The following MEAK7 variants were observed in gnomAD, a reference collection of about 807,000 sequenced individuals.
MEAK7 encodes MTOR-associated protein MEAK7.
A neutral mutation model predicts 40.5 loss-of-function variants in MEAK7; 68 were observed. The observed-to-expected ratio is 1.68, with a 90% CI of 1.38 to 2.06. MEAK7 has a LOEUF of 2.06. Among genes scored for constraint, MEAK7 ranks in the 30% most tolerant of loss-of-function variants. The probability of loss-of-function intolerance (pLI) is 0.00; values close to 1 mark genes in which losing one functional copy is unlikely to be tolerated. For synonymous variants in MEAK7, 338 were observed against 231.9 expected, an observed-to-expected ratio of 1.46 and a Z score of -4.16; for missense variants, 918 against 580.5, an observed-to-expected ratio of 1.58 and a Z score of -5.98.
rs117478159 is a variant in MEAK7, at chr16:84,478,559, C to A, written c.*1354G>T. 6.6e-6 allele frequency: 1 copy of A among 152,358 alleles called. No homozygotes were observed. Among genetic ancestry groups the A allele is most frequent in the Non-Finnish European group, 1.5e-5 (1 of 68,042 alleles). 9.4% of individuals were successfully genotyped at this position (152,358 alleles called of 1,614,324 possible). On this transcript the variant is annotated 3_prime_UTR_variant, in exon 8 of 8. Coordinates refer to ENST00000343629, the MANE Select transcript of MEAK7 (RefSeq NM_020947.4). ...AAAGACAAAAGGAAGAGGTATATAT[C>A]TTAGAGACAAGCTCACAGCACCTTT...
Position 84,479,886 on chromosome 16 carries a change from T to C in MEAK7, c.*27A>G, listed in dbSNP as rs771083918. On this transcript the variant is annotated 3_prime_UTR_variant, in exon 8 of 8. Transcript: ENST00000343629. Reference sequence around the variant, plus strand: ...CCTCTACCCAGAGGAATCCAGGTCCTGGCTCCAGGAAGGCTCAGGCGGCTC... The same window carrying C: ...CCTCTACCCAGAGGAATCCAGGTCCCGGCTCCAGGAAGGCTCAGGCGGCTC... 7.7e-6 allele frequency: 12 copies of C among 1,560,896 alleles called. No individual in the cohort carries two copies. The highest frequency in any genetic ancestry group is 6.8e-5 in the African/African-American group (5 of 73,452).
At chr16:84,501,256 G>A (rs965140510) in intron 1 of MEAK7, among the ~76,000 whole-genome samples, 11 of 152,124 alleles carry the variant, frequency 7.2e-5, no homozygotes, top group Non-Finnish European at 8.8e-5. Flanking sequence ...GATTCACCAG[G>A]AAGTGGGAAC....
Position 84,486,920 on chromosome 16 carries a change from C to A in MEAK7, c.669G>T (p.Ser223=). The change falls in exon 5 of 8, where the codon TCG becomes TCT. Residue 223 remains serine, a synonymous_variant. Coordinates refer to ENST00000343629, the MANE Select transcript of MEAK7 (RefSeq NM_020947.4). ...GGACCAGGGTAGTCAGATCAAGAGA[C>A]GAGCACAGGATGAGAAAGCCCTTGC... ...VICKGFLILC[S]SLDLTTLVPE... 3 of 1,614,174 alleles carry A rather than the reference C, an allele frequency of 1.9e-6. No individual in the cohort carries two copies. The highest frequency in any genetic ancestry group is 2.5e-6 in the Non-Finnish European group (3 of 1,180,030).
chr16:84,492,354 G>A (rs1429202693), intron 3 of MEAK7, among the ~76,000 whole-genome samples: 13 of 152,052 alleles, frequency 8.5e-5, no homozygotes, highest in Admixed American at 8.5e-4. Flanking sequence ...TGGTCAAGAT[G>A]ATTAAAATTT....
intron 3 of MEAK7, chr16:84,494,650 T>C (rs1403267631): frequency 2.4e-5 from 8 of 339,544 alleles, no homozygotes; most frequent in Non-Finnish European, 4.6e-5. Context: ...TTTTGTTTGT[T>C]GTTTTTCTCT....
intron 5 of MEAK7, among the ~76,000 whole-genome samples, chr16:84,485,101 G>A (rs1912917686): frequency 6.6e-6 from 1 of 152,156 alleles, no homozygotes; most frequent in African/African-American, 2.4e-5. Context: ...GCCCGAGGCT[G>A]GGCTGGTGGG....
Position 84,504,630 on chromosome 16 carries a change from C to A in MEAK7, c.-55G>T, listed in dbSNP as rs188743275. On this transcript the variant is annotated 5_prime_UTR_variant, in exon 1 of 8. Coordinates refer to ENST00000343629, the MANE Select transcript of MEAK7 (RefSeq NM_020947.4). Reference sequence around the variant, plus strand: ...CCGGGCTTCCTGGTGCTGTCCGGTCCGGTCCAGCAGCCCACGGGCTCCTCT... The same window carrying A: ...CCGGGCTTCCTGGTGCTGTCCGGTCAGGTCCAGCAGCCCACGGGCTCCTCT... The A allele has an allele frequency of 1.0e-6, 1 of 985,666 alleles. No individual in the cohort carries two copies. The allele number at this position is 985,666 out of a possible 1,614,324, so 61.1% of individuals were successfully genotyped here.
At chr16:84,480,729 G>C in intron 6 of MEAK7, 21 bp from the exon 7 acceptor site, 1 of 1,598,302 alleles carries the variant, frequency 6.3e-7, no homozygotes, top group Non-Finnish European at 8.5e-7. Context: ...AGCCAGGACA[G>C]AGAATAGCAT....
chr16:84,497,418 C>G lies in MEAK7; in HGVS notation c.153+516G>C, dbSNP rs772624928. 699 of 1,286,518 alleles carry G rather than the reference C, an allele frequency of 5.4e-4. 1 individual carries two copies. The highest frequency in any genetic ancestry group is 2.1e-3 in the Middle Eastern group (10 of 4,674). 79.7% of individuals were successfully genotyped at this position (1,286,518 alleles called of 1,614,324 possible). The stretch of plus-strand genomic sequence containing the variant: ...GAAATTCCTAGCCATCAAACACATA[C>G]ACATTCTAGAGGCAACGGTGCACCT... On this transcript the variant is annotated intron_variant, in intron 2 of 7. Coordinates refer to ENST00000343629, the MANE Select transcript of MEAK7 (RefSeq NM_020947.4).
intron 3 of MEAK7, among the ~76,000 whole-genome samples, chr16:84,495,099 T>C (rs942107309): frequency 1.3e-5 from 2 of 151,976 alleles, no homozygotes; most frequent in African/African-American, 4.8e-5. Flanking sequence ...TGAAACCCCG[T>C]TTCTACTAAA....
Position 84,479,401 on chromosome 16 carries a change from CGG to C in MEAK7, c.*510_*511del, listed in dbSNP as rs1912299043. 2.0e-5 allele frequency: 3 copies of C among 148,294 alleles called. No homozygotes were observed. Among genetic ancestry groups the C allele is most frequent in the African/African-American group, 7.5e-5 (3 of 39,892 alleles). The allele number at this position is 148,294 out of a possible 1,614,324, so 9.2% of individuals were successfully genotyped here. A position where few individuals can be genotyped will look rare whatever the true frequency, so the allele number is the denominator to read the frequency against. On this transcript the variant is annotated 3_prime_UTR_variant, in exon 8 of 8. Transcript: ENST00000343629. ...GAGATCCCAGCAATGCTAATGCCAGCGGAATTCCCTAATGCCAGCGGAATTCC... is the reference window on the plus strand; with the variant it reads ...GAGATCCCAGCAATGCTAATGCCAGCAATTCCCTAATGCCAGCGGAATTCC...
intron 3 of MEAK7, among the ~76,000 whole-genome samples, chr16:84,491,237 C>A (rs1333145382): frequency 6.6e-6 from 1 of 151,652 alleles, no homozygotes; most frequent in East Asian, 2.0e-4. Flanking sequence ...GTCAGGAGTT[C>A]GAGACCAGTC....
Position 84,495,066 on chromosome 16 carries a change from G to T in MEAK7, c.384+617C>A, listed in dbSNP as rs374345560. ...GGCGGACCACCTAAGCTCAGGAGTT[G>T]GAGACCAGCCTGGCCAACGTGGTGA... On this transcript the variant is annotated intron_variant, in intron 3 of 7. Transcript: ENST00000343629. Among the ~76,000 whole-genome samples, 54 of 152,242 alleles carry T rather than the reference G, an allele frequency of 3.5e-4. 4 individuals are homozygous for T. The South Asian group carries it at 5.0e-3, about 14-fold the overall frequency.
At chr16:84,503,711 G>C (rs1309331727) in intron 1 of MEAK7, among the ~76,000 whole-genome samples, 2 of 152,172 alleles carry the variant, frequency 1.3e-5, no homozygotes, top group East Asian at 1.9e-4. Flanking sequence ...TAGAACAAGA[G>C]AAACTGCCCT....
chr16:84,486,728 A>C lies in MEAK7; in HGVS notation c.861T>G (p.Thr287=). The C allele has an allele frequency of 6.2e-7, 1 of 1,614,006 alleles. No individual in the cohort carries two copies. The highest frequency in any genetic ancestry group is 8.5e-7 in the Non-Finnish European group (1 of 1,179,882). Residue 287 remains threonine (T), a synonymous_variant, in exon 5 of 8, where the codon ACT becomes ACG. Coordinates refer to ENST00000343629, the MANE Select transcript of MEAK7 (RefSeq NM_020947.4). The part of the protein sequence containing the change: ...HSFSQLCGHI[T]HRGPCVAVLE... ...GGACAGCCACACAGGGTCCCCGGTG[A>C]GTGATGTGGCCACAGAGCTGGGAGA...
intron 1 of MEAK7, among the ~76,000 whole-genome samples, chr16:84,502,511 GTGTT>G (rs1269573651): frequency 1.3e-5 from 2 of 152,124 alleles, no homozygotes; most frequent in African/African-American, 4.8e-5. Flanking sequence ...ATGTAGGGTT[GTGTT>G]ATGCACAGCT....
intron 3 of MEAK7, among the ~76,000 whole-genome samples, chr16:84,490,885 A>G (rs1016216901): frequency 6.6e-6 from 1 of 152,140 alleles, no homozygotes; most frequent in Non-Finnish European, 1.5e-5. Flanking sequence ...CCTTAAAGAA[A>G]ACAGAGAAGG....
Position 84,486,998 on chromosome 16 carries a change from C to A in MEAK7, c.591G>T (p.Glu197Asp). ...CATGGGGGACCCTGAACACCCAGTC[C>A]TCGATCACAGCTCGGTCACAGTCAT... ...LDYDCDRAVIEDWVFRVPHVA... is the reference protein window; with the variant it reads ...LDYDCDRAVIDDWVFRVPHVA... The change falls in exon 5 of 8, where the codon GAG (glutamate) becomes GAT (aspartate). Residue 197 changes from glutamate (E) to aspartate (D), a missense_variant. Glu to Asp is a conservative substitution (Grantham distance 45). Coordinates refer to ENST00000343629, the MANE Select transcript of MEAK7 (RefSeq NM_020947.4). 1 of 1,614,118 alleles carries A rather than the reference C, an allele frequency of 6.2e-7. No individual in the cohort carries two copies. Among genetic ancestry groups the A allele is most frequent in the Non-Finnish European group, 8.5e-7 (1 of 1,180,024 alleles).
intron 5 of MEAK7, among the ~76,000 whole-genome samples, chr16:84,484,655 GC>G (rs1430037500): frequency 6.6e-6 from 1 of 152,170 alleles, no homozygotes; most frequent in African/African-American, 2.4e-5. Context: ...CAAGGAGGTG[GC>G]CACCCTCCCC....
Sources: gnomAD v4.1 joint callset for allele counts (sites outside exome capture counted in the v4.1 genomes callset) on GRCh38, gnomAD v4.1.1 for gene constraint, MANE v1.5 for transcripts, NCBI Gene and HGNC (gene_info 2026-07-23, HGNC 2026-07-21) for gene names.